Variants in KAZN observed in about 807,000 individuals in gnomAD.
KAZN encodes the protein kazrin.
In KAZN, 40 loss-of-function variants were observed where a neutral mutation model predicts 87.4. The observed-to-expected ratio is 0.46, with a 90% CI of 0.36 to 0.60. KAZN has a LOEUF of 0.60. KAZN is among the 20% of genes least tolerant of loss of function. KAZN has a pLI of 0.00. For synonymous variants in KAZN, 466 were observed against 458.3 expected, an observed-to-expected ratio of 1.02 and a Z score of -0.22; for missense variants, 898 against 1,073.9, an observed-to-expected ratio of 0.84 and a Z score of 2.29.
chr1:14,324,253 T>C (rs1335833357), intron 2 of KAZN, among the ~76,000 whole-genome samples: 1 of 152,218 alleles, frequency 6.6e-6, no homozygotes, highest in Non-Finnish European at 1.5e-5. Flanking sequence ...ATTAGTGCCA[T>C]ATATTGTAGG....
At chr1:14,576,843 G>A (rs1218589481) in intron 2 of KAZN, among the ~76,000 whole-genome samples, 1 of 152,146 alleles carries the variant, frequency 6.6e-6, no homozygotes, top group Non-Finnish European at 1.5e-5. Flanking sequence ...TTGAAACCAA[G>A]GTGTCCAATG....
At chr1:13,898,873 G>T (rs750996202) in intron 1 of KAZN, among the ~76,000 whole-genome samples, 29 of 152,218 alleles carry the variant, frequency 1.9e-4, no homozygotes, top group Non-Finnish European at 3.7e-4. Flanking sequence ...TGAATATGGA[G>T]CCTAGCTACA....
chr1:14,286,456 C>A (rs1363351804), intron 2 of KAZN, among the ~76,000 whole-genome samples: 1 of 152,152 alleles, frequency 6.6e-6, no homozygotes, highest in African/African-American at 2.4e-5. Context: ...CTCTGCAATC[C>A]CAGTTCTGAA....
At chr1:15,050,420 C>T (rs1000464571) in intron 4 of KAZN, among the ~76,000 whole-genome samples, 1 of 152,136 alleles carries the variant, frequency 6.6e-6, no homozygotes, top group Non-Finnish European at 1.5e-5. Context: ...GCACATGTCA[C>T]CTTTAACCTT....
chr1:14,372,465 TG>T (rs1228818993), intron 2 of KAZN, among the ~76,000 whole-genome samples: 70 of 152,350 alleles, frequency 4.6e-4, no homozygotes, highest in African/African-American at 1.5e-3. Context: ...GGGGCTGTCC[TG>T]TATGTTGCAG....
intron 2 of KAZN, among the ~76,000 whole-genome samples, chr1:14,460,098 G>A (rs1667779613): frequency 6.6e-6 from 1 of 152,174 alleles, no homozygotes; most frequent in Non-Finnish European, 1.5e-5. Flanking sequence ...GAAGGTGTTT[G>A]GATGCCCAAG....
chr1:14,905,052 T>C (rs888702609), intron 1 of KAZN, among the ~76,000 whole-genome samples: 4 of 152,110 alleles, frequency 2.6e-5, no homozygotes, highest in African/African-American at 7.2e-5. Context: ...TGAGCCACCA[T>C]GCCCAGCCTT....
intron 1 of KAZN, among the ~76,000 whole-genome samples, chr1:14,031,619 AG>A (rs1641331834): frequency 1.3e-5 from 2 of 152,222 alleles, no homozygotes; most frequent in South Asian, 4.1e-4. Context: ...GTTGCTGGCT[AG>A]ATTCTTGCCA....
chr1:13,962,691 A>C (rs1478402351), intron 1 of KAZN, among the ~76,000 whole-genome samples: 2 of 152,114 alleles, frequency 1.3e-5, no homozygotes, highest in African/African-American at 4.8e-5. Flanking sequence ...CCATGTAGCC[A>C]GGATTACAGG....
chr1:14,543,659 C>G (rs536999533), intron 2 of KAZN, among the ~76,000 whole-genome samples: 4 of 152,200 alleles, frequency 2.6e-5, no homozygotes, highest in Non-Finnish European at 5.9e-5. Flanking sequence ...CAGCAGGAAG[C>G]AAATCACAAG....
Position 14,909,322 on chromosome 1 carries a change from T to C in KAZN, c.227-51362T>C, listed in dbSNP as rs1013267100. ...CAGGCTCACACAGTTAACTATACTCTACTATCTTGGCAAGGATTCCCCATG... is the reference window on the plus strand; with the variant it reads ...CAGGCTCACACAGTTAACTATACTCCACTATCTTGGCAAGGATTCCCCATG... On this transcript the variant is annotated intron_variant, in intron 1 of 14. Transcript: ENST00000376030. 2.6e-5 allele frequency among the ~76,000 whole-genome samples: 4 copies of C among 151,116 alleles called. No individual in the cohort carries two copies. In the South Asian group the frequency reaches 6.2e-4, roughly 23 times the overall value.
chr1:14,901,319 A>G (rs1655858113), intron 1 of KAZN, among the ~76,000 whole-genome samples: 1 of 152,202 alleles, frequency 6.6e-6, no homozygotes, highest in African/African-American at 2.4e-5. Context: ...CGGGATAACA[A>G]GAAGCCCAGT....
intron 2 of KAZN, among the ~76,000 whole-genome samples, chr1:14,459,352 C>T (rs1270303280): frequency 6.6e-6 from 1 of 151,784 alleles, no homozygotes; most frequent in African/African-American, 2.4e-5. Context: ...TTTTGCTTCT[C>T]CACAGTGAGC....
intron 2 of KAZN, among the ~76,000 whole-genome samples, chr1:14,224,470 A>G (rs1571066051): frequency 6.6e-6 from 1 of 152,332 alleles, no homozygotes; most frequent in South Asian, 2.1e-4. Flanking sequence ...AAGGAAGAGG[A>G]TACCACCTCT....
chr1:14,978,546 G>T (rs1426380469), intron 2 of KAZN, among the ~76,000 whole-genome samples: 1 of 152,162 alleles, frequency 6.6e-6, no homozygotes, highest in Non-Finnish European at 1.5e-5. Flanking sequence ...AGCCCCTGAG[G>T]CAGTCTTCTT....
rs191120696 is a variant in KAZN, at chr1:13,971,968, C to T, written c.91+78212C>T. On this transcript the variant is annotated intron_variant, in intron 1 of 16. Coordinates refer to the KAZN transcript ENST00000636203. Reference sequence around the variant, plus strand: ...CAGAGGCTGATGCTGCCATGCTTCCCGTACAGCCTGCAGAACCATGAGCCA... The same window carrying T: ...CAGAGGCTGATGCTGCCATGCTTCCTGTACAGCCTGCAGAACCATGAGCCA... 1.4e-4 allele frequency among the ~76,000 whole-genome samples: 21 copies of T among 152,226 alleles called. 1 individual carries two copies. The South Asian group carries it at 2.1e-3, about 15-fold the overall frequency.
chr1:14,204,039 A>G (rs552759646), intron 2 of KAZN, among the ~76,000 whole-genome samples: 3 of 152,296 alleles, frequency 2.0e-5, no homozygotes, highest in Admixed American at 6.5e-5. Context: ...TTAATAGAAA[A>G]CCCAAGAAAG....
chr1:14,455,520 C>T (rs190291582), intron 2 of KAZN, among the ~76,000 whole-genome samples: 14 of 152,276 alleles, frequency 9.2e-5, no homozygotes, highest in Non-Finnish European at 2.9e-5. Flanking sequence ...GAGACCCCTA[C>T]CTTAGGAAAC....
At chr1:14,060,598 T>C (rs548609207) in intron 1 of KAZN, among the ~76,000 whole-genome samples, 48 of 152,194 alleles carry the variant, frequency 3.2e-4, no homozygotes, top group Non-Finnish European at 6.0e-4. Context: ...TCCCCTGACT[T>C]CTTTTCTTCT....
Sources: gnomAD v4.1 joint callset for allele counts (sites outside exome capture counted in the v4.1 genomes callset) on GRCh38, gnomAD v4.1.1 for gene constraint, MANE v1.5 for transcripts, NCBI Gene and HGNC (gene_info 2026-07-23, HGNC 2026-07-21) for gene names.